The following SLC5A12 variants were observed in gnomAD, a reference collection of about 807,000 sequenced individuals.
SLC5A12 encodes the protein solute carrier family 5 member 12.
Under a neutral mutation model 72.7 loss-of-function variants are expected in SLC5A12, and 46 were observed. The observed-to-expected ratio is 0.63, with a 90% CI of 0.50 to 0.81. The LOEUF (loss-of-function observed/expected upper bound fraction) is 0.81. SLC5A12 is among the 30% of genes least tolerant of loss of function. SLC5A12 has a pLI of 0.00. For synonymous variants in SLC5A12, 275 were observed against 264.4 expected, an observed-to-expected ratio of 1.04 and a Z score of -0.39; for missense variants, 683 against 740.7, an observed-to-expected ratio of 0.92 and a Z score of 0.90.
Position 26,670,583 on chromosome 11 carries a change from G to T in SLC5A12, c.*519C>A, listed in dbSNP as rs1489347833. On this transcript the variant is annotated 3_prime_UTR_variant, in exon 15 of 15. Coordinates refer to ENST00000396005, the MANE Select transcript of SLC5A12 (RefSeq NM_178498.4). The stretch of plus-strand genomic sequence containing the variant: ...GGTTAATAGTAGTTGTATGCCAATT[G>T]TAGCTACAGGATGGGAGATGGGTGG... 2 of 152,100 alleles carry T rather than the reference G, an allele frequency of 1.3e-5. No individual in the cohort carries two copies. The highest frequency in any genetic ancestry group is 1.3e-4 in the Admixed American group (2 of 15,222). The allele number at this position is 152,100 out of a possible 1,614,324, so 9.4% of individuals were successfully genotyped here. A position where few individuals can be genotyped will look rare whatever the true frequency, so the allele number is the denominator to read the frequency against.
At chr11:26,720,451 A>G (rs74648713) in intron 1 of SLC5A12, among the ~76,000 whole-genome samples, 6,386 of 152,172 alleles carry the variant, frequency 0.042, 353 homozygotes, top group African/African-American at 0.12. Flanking sequence ...TAAAAATTAC[A>G]TTACATAAAA....
intron 1 of SLC5A12, among the ~76,000 whole-genome samples, chr11:26,714,394 T>C (rs1335025173): frequency 6.6e-6 from 1 of 152,160 alleles, no homozygotes; most frequent in Non-Finnish European, 1.5e-5. Context: ...AACAAATATT[T>C]ATACTAATGG....
intron 6 of SLC5A12, among the ~76,000 whole-genome samples, chr11:26,702,908 C>T (rs924641394): frequency 6.6e-6 from 1 of 152,124 alleles, no homozygotes; most frequent in Non-Finnish European, 1.5e-5. Flanking sequence ...CACCAACTAA[C>T]TTAGAGATAT....
At chr11:26,677,973 C>A (rs1436048794) in intron 13 of SLC5A12, among the ~76,000 whole-genome samples, 2 of 152,120 alleles carry the variant, frequency 1.3e-5, no homozygotes, top group African/African-American at 4.8e-5. Context: ...CACTACCAAC[C>A]CCTCATGGGC....
At chr11:26,701,197 A>T (rs1854950238) in intron 6 of SLC5A12, among the ~76,000 whole-genome samples, 1 of 152,174 alleles carries the variant, frequency 6.6e-6, no homozygotes, top group African/African-American at 2.4e-5. Context: ...TGTGCACTGC[A>T]ACTATACCAA....
intron 9 of SLC5A12, among the ~76,000 whole-genome samples, chr11:26,689,321 C>A (rs1854611034): frequency 6.6e-6 from 1 of 152,098 alleles, no homozygotes; most frequent in Non-Finnish European, 1.5e-5. Flanking sequence ...TCCCTTGAAC[C>A]CGGGAGGCGG....
At chr11:26,683,398 A>G (rs1854453039) in intron 11 of SLC5A12, among the ~76,000 whole-genome samples, 2 of 152,196 alleles carry the variant, frequency 1.3e-5, no homozygotes, top group East Asian at 3.8e-4. Flanking sequence ...TGAGATTTAC[A>G]TTTGTAAATA....
intron 3 of SLC5A12, 103 bp downstream of exon 3, chr11:26,711,204 C>A: frequency 1.1e-6 from 1 of 935,172 alleles, no homozygotes; most frequent in South Asian, 1.4e-5. Context: ...ATCCTCTAAC[C>A]AGAAGAATAT....
At chr11:26,688,958 G>T (rs1201008359) in intron 9 of SLC5A12, among the ~76,000 whole-genome samples, 3 of 151,974 alleles carry the variant, frequency 2.0e-5, no homozygotes, top group Non-Finnish European at 2.9e-5. Context: ...CCCATCAATA[G>T]ACTCAGATGT....
chr11:26,707,025 T>C (rs1855105536), intron 4 of SLC5A12, among the ~76,000 whole-genome samples: 2 of 151,924 alleles, frequency 1.3e-5, no homozygotes, highest in Admixed American at 6.6e-5. Flanking sequence ...CCTCTAGATT[T>C]TTCTTTAGGG....
At chr11:26,678,462 C>G (rs1200949995) in intron 13 of SLC5A12, among the ~76,000 whole-genome samples, 1 of 152,042 alleles carries the variant, frequency 6.6e-6, no homozygotes, top group Non-Finnish European at 1.5e-5. Context: ...TCACTGCAAC[C>G]TCCACCTTCT....
chr11:26,696,797 A>G (rs1382474593), intron 8 of SLC5A12, among the ~76,000 whole-genome samples: 1 of 152,230 alleles, frequency 6.6e-6, no homozygotes, highest in African/African-American at 2.4e-5. Context: ...AAGAGCCAGC[A>G]GAGTGAGCTG....
At chr11:26,690,927 G>T (rs1854655282) in intron 9 of SLC5A12, among the ~76,000 whole-genome samples, 1 of 151,708 alleles carries the variant, frequency 6.6e-6, no homozygotes, top group African/African-American at 2.4e-5. Context: ...TGTAAGAAAT[G>T]TATAAGCATA....
At chr11:26,691,878 T>A (rs1371768194) in intron 9 of SLC5A12, 1 of 152,210 alleles carries the variant, frequency 6.6e-6, no homozygotes, top group African/African-American at 2.4e-5. Flanking sequence ...GGGAGTTTGG[T>A]AATAAGGAAC....
At chr11:26,692,721 T>G in intron 8 of SLC5A12, 120 bp from the exon 9 acceptor site, 1 of 623,348 alleles carries the variant, frequency 1.6e-6, no homozygotes, top group Non-Finnish European at 2.9e-6. Flanking sequence ...TGCAGATATA[T>G]CTCTATCTTC....
At chr11:26,705,925 TACACACACACACACACACACACAC>T (rs71047876) in intron 4 of SLC5A12, among the ~76,000 whole-genome samples, 31 of 129,718 alleles carry the variant, frequency 2.4e-4, no homozygotes, top group East Asian at 9.3e-4. Flanking sequence ...TTCTCTGTCA[TACACACACACACACACACACACAC>T]ACACACACAC....
At chr11:26,703,258 A>C (rs889024584) in intron 6 of SLC5A12, among the ~76,000 whole-genome samples, 1 of 152,136 alleles carries the variant, frequency 6.6e-6, no homozygotes, top group African/African-American at 2.4e-5. Context: ...TTAATCTAGT[A>C]ATTTCTCAAT....
In SLC5A12 at chr11:26,721,823, G is replaced by C; in HGVS notation, c.-109C>G. The C allele has an allele frequency of 1.1e-6, 1 of 934,074 alleles. No homozygotes were observed. Among genetic ancestry groups the C allele is most frequent in the Non-Finnish European group, 1.6e-6 (1 of 608,064 alleles). The allele number at this position is 934,074 out of a possible 1,614,324, so 57.9% of individuals were successfully genotyped here. A position where few individuals can be genotyped will look rare whatever the true frequency, so the allele number is the denominator to read the frequency against. On this transcript the variant is annotated 5_prime_UTR_variant, in exon 1 of 15. The change creates a new upstream start codon in the 5' untranslated region. Coordinates refer to ENST00000396005, the MANE Select transcript of SLC5A12 (RefSeq NM_178498.4). The stretch of plus-strand genomic sequence containing the variant: ...ATGCTTTGCTGAGAGGAGAGACTGT[G>C]ATTCCCTGAAGAAAATGATTACCAG...
At chr11:26,683,902 G>T in intron 10 of SLC5A12, 59 bp from the exon 11 acceptor site, 1 of 1,326,520 alleles carries the variant, frequency 7.5e-7, no homozygotes. Context: ...TGACTTCCTG[G>T]CATCATACCT....
Sources: gnomAD v4.1 joint callset for allele counts (sites outside exome capture counted in the v4.1 genomes callset) on GRCh38, gnomAD v4.1.1 for gene constraint, MANE v1.5 for transcripts, NCBI Gene and HGNC (gene_info 2026-07-23, HGNC 2026-07-21) for gene names.